The following CALN1 variants were observed in gnomAD, a reference collection of about 807,000 sequenced individuals.
The protein encoded by CALN1 is calcium-binding protein 8.
CALN1 carries 17 observed loss-of-function variants against 30.6 expected under a neutral mutation model. The observed-to-expected ratio is 0.56, with a 90% CI of 0.38 to 0.83. The LOEUF (loss-of-function observed/expected upper bound fraction) is 0.83. Among genes scored for constraint, CALN1 ranks in the 40% least tolerant of loss-of-function variants. CALN1 has a pLI of 0.00. For missense variants in CALN1, 291 were observed against 354.9 expected (o/e 0.82, Z 1.45); for synonymous variants, 156 against 131.4 (o/e 1.19, Z -1.28).
chr7:72,032,994 T>C (rs918310521), intron 4 of CALN1, among the ~76,000 whole-genome samples: 2 of 152,210 alleles, frequency 1.3e-5, no homozygotes, highest in Admixed American at 6.5e-5. Flanking sequence ...AAAGCTTTGA[T>C]TAAATTCTTT....
At chr7:72,356,748 G>C (rs768192344) in intron 2 of CALN1, among the ~76,000 whole-genome samples, 6 of 151,810 alleles carry the variant, frequency 4.0e-5, no homozygotes, top group Non-Finnish European at 7.4e-5. Flanking sequence ...CTAGAAGAAC[G>C]CAAATTACAA....
intron 3 of CALN1, among the ~76,000 whole-genome samples, chr7:72,227,071 G>A (rs543847299): frequency 1.3e-5 from 2 of 152,024 alleles, no homozygotes; most frequent in East Asian, 1.9e-4. Flanking sequence ...GGGAACAATA[G>A]ACATTGGGGA....
chr7:72,041,017 G>A (rs1205766839), intron 4 of CALN1, among the ~76,000 whole-genome samples: 1 of 152,158 alleles, frequency 6.6e-6, no homozygotes. Flanking sequence ...TTAGCTTGAG[G>A]GTGGTCTAGC....
intron 3 of CALN1, among the ~76,000 whole-genome samples, chr7:72,248,384 C>T (rs1314849471): frequency 1.3e-5 from 2 of 152,218 alleles, no homozygotes; most frequent in Non-Finnish European, 2.9e-5. Flanking sequence ...CAGTCATGAA[C>T]CACCACGCCC....
intron 1 of CALN1, among the ~76,000 whole-genome samples, chr7:72,428,979 C>T (rs955001693): frequency 6.6e-6 from 1 of 152,188 alleles, no homozygotes; most frequent in Non-Finnish European, 1.5e-5. Context: ...CAGCCCAGCT[C>T]AGCCTGAGAG....
chr7:72,092,024 G>A (rs1563050305), intron 4 of CALN1, among the ~76,000 whole-genome samples: 1 of 152,030 alleles, frequency 6.6e-6, no homozygotes, highest in Non-Finnish European at 1.5e-5. Flanking sequence ...AGATATTCAA[G>A]TGCATTAATA....
chr7:72,158,489 C>A (rs1390713964), intron 3 of CALN1, among the ~76,000 whole-genome samples: 1 of 152,214 alleles, frequency 6.6e-6, no homozygotes, highest in East Asian at 1.9e-4. Flanking sequence ...GCTTCCCACA[C>A]CAACAGCTGA....
chr7:71,901,702 A>G (rs1793859771), intron 5 of CALN1, among the ~76,000 whole-genome samples: 1 of 152,190 alleles, frequency 6.6e-6, no homozygotes, highest in Admixed American at 6.5e-5. Context: ...GGTTCTGGAA[A>G]AACTGGAGAG....
At chr7:72,246,863 T>G (rs1313765095) in intron 3 of CALN1, among the ~76,000 whole-genome samples, 2 of 150,746 alleles carry the variant, frequency 1.3e-5, no homozygotes, top group Non-Finnish European at 3.0e-5. Flanking sequence ...CAAGCAGTTC[T>G]CATGCCTCAG....
chr7:72,323,388 C>T (rs987688483), intron 2 of CALN1, among the ~76,000 whole-genome samples: 2 of 152,160 alleles, frequency 1.3e-5, no homozygotes, highest in Non-Finnish European at 2.9e-5. Context: ...GTGGTCCACC[C>T]TATAGCAGTG....
intron 5 of CALN1, among the ~76,000 whole-genome samples, chr7:71,830,910 TTTG>T (rs1789237537): frequency 2.0e-5 from 3 of 152,344 alleles, no homozygotes; most frequent in Admixed American, 6.5e-5. Flanking sequence ...AGTCATTCAG[TTTG>T]TTATCGCAGA....
At chr7:72,304,835 C>A (rs1408040304) in intron 2 of CALN1, among the ~76,000 whole-genome samples, 1 of 152,144 alleles carries the variant, frequency 6.6e-6, no homozygotes, top group Non-Finnish European at 1.5e-5. Flanking sequence ...GAGTGATGAA[C>A]TTACTGTTGT....
intron 3 of CALN1, among the ~76,000 whole-genome samples, chr7:72,248,214 A>C (rs1358654300): frequency 1.3e-5 from 2 of 152,114 alleles, no homozygotes; most frequent in African/African-American, 2.4e-5. Flanking sequence ...TCACAGGTTC[A>C]AGCAATTCTC....
At chr7:72,181,237 T>A (rs1288742974) in intron 3 of CALN1, among the ~76,000 whole-genome samples, 1 of 148,178 alleles carries the variant, frequency 6.7e-6, no homozygotes, top group African/African-American at 2.5e-5. Flanking sequence ...ATATAAAATA[T>A]ATATTATAAA....
intron 5 of CALN1, among the ~76,000 whole-genome samples, chr7:71,869,875 G>A (rs1187457847): frequency 6.6e-6 from 1 of 152,102 alleles, no homozygotes; most frequent in Non-Finnish European, 1.5e-5. Flanking sequence ...TGGGAGTAGA[G>A]CAGAGAGGTC....
At chr7:71,826,268 C>A (rs1192998444) in intron 5 of CALN1, among the ~76,000 whole-genome samples, 2 of 151,964 alleles carry the variant, frequency 1.3e-5, no homozygotes, top group Non-Finnish European at 2.9e-5. Context: ...AGTCGACCCC[C>A]AGAATGCACT....
intron 2 of CALN1, among the ~76,000 whole-genome samples, chr7:72,366,395 C>T (rs1212930716): frequency 2.0e-5 from 3 of 152,040 alleles, no homozygotes; most frequent in South Asian, 4.1e-4. Flanking sequence ...AAGCTGGTCT[C>T]GAACTCCTGA....
chr7:72,354,134 A>C (rs545398900), intron 2 of CALN1, among the ~76,000 whole-genome samples: 54 of 152,226 alleles, frequency 3.5e-4, no homozygotes, highest in African/African-American at 1.2e-3. Context: ...TTGCAGTGAA[A>C]CGAAATTGTG....
At chr7:71,867,568 G>A (rs992513964) in intron 5 of CALN1, among the ~76,000 whole-genome samples, 1 of 152,066 alleles carries the variant, frequency 6.6e-6, no homozygotes, top group Non-Finnish European at 1.5e-5. Context: ...CCAAGTAGCT[G>A]GGATTACAGG....
Sources: allele counts gnomAD v4.1 joint callset (sites outside exome capture counted in the v4.1 genomes callset), GRCh38; gene constraint gnomAD v4.1.1; transcripts MANE v1.5; gene names NCBI Gene and HGNC (gene_info 2026-07-23, HGNC 2026-07-21).